Variants in FAM220A observed in about 807,000 individuals in gnomAD.
FAM220A encodes protein FAM220A.
For synonymous variants in FAM220A, 141 were observed against 130.7 expected (o/e 1.08, Z -0.54); for missense variants, 392 against 321.6 (o/e 1.22, Z -1.68).
At chr7:6,334,469 C>G (rs901503740) in intron 1 of FAM220A, among the ~76,000 whole-genome samples, 4 of 151,858 alleles carry the variant, frequency 2.6e-5, no homozygotes, top group Admixed American at 6.6e-5. Context: ...CCCAGAGGCT[C>G]TGTCTCAAAA....
rs1224679547 is a variant in FAM220A at position 6,348,907 on chromosome 7, C to G, written c.-416G>C. 6 of 385,396 alleles carry G rather than the reference C, an allele frequency of 1.6e-5. No individual in the cohort carries two copies. Among genetic ancestry groups the G allele is most frequent in the Non-Finnish European group, 2.7e-5 (6 of 218,870 alleles). 23.9% of individuals were successfully genotyped at this position (385,396 alleles called of 1,614,324 possible). A position where few individuals can be genotyped will look rare whatever the true frequency, so the allele number is the denominator to read the frequency against. On this transcript the variant is annotated 5_prime_UTR_variant, in exon 1 of 2. Coordinates refer to ENST00000313324, the MANE Select transcript of FAM220A (RefSeq NM_001037163.2). ...GGGCCGCAGTGGAGCGGAGTCCGCACGTCACGCTCGGAGAAGTGCCTCCGC... is the reference window on the plus strand; with the variant it reads ...GGGCCGCAGTGGAGCGGAGTCCGCAGGTCACGCTCGGAGAAGTGCCTCCGC...
chr7:6,330,793 C>T lies in FAM220A; in HGVS notation c.362G>A (p.Gly121Asp), dbSNP rs750777892. The part of the protein sequence containing the change: ...TECFARVSCS[G>D]VEALGRRDWL... ...GTCTCGCCGCCCCAGAGCTTCAACACCACTGCAGGACACCCGAGCAAAACA... is the reference window on the plus strand; with the variant it reads ...GTCTCGCCGCCCCAGAGCTTCAACATCACTGCAGGACACCCGAGCAAAACA... The change falls in exon 2 of 2, where the codon GGT becomes GAT. Residue 121 changes from glycine (G) to aspartate (D), a missense_variant. Physicochemically the swap from Gly to Asp is moderately conservative, Grantham distance 94. Transcript: ENST00000313324. 4 of 1,614,176 alleles carry T rather than the reference C, an allele frequency of 2.5e-6. No homozygotes were observed. In the Admixed American group the frequency reaches 6.7e-5, roughly 27 times the overall value.
In FAM220A at chr7:6,348,704, G is replaced by A. The variant is rs1782002259; in HGVS notation, c.-213C>T. On this transcript the variant is annotated 5_prime_UTR_variant, in exon 1 of 2. Coordinates refer to ENST00000313324, the MANE Select transcript of FAM220A (RefSeq NM_001037163.2). ...CCCTTGCAGAAGACCCCATAGGAGCGGGCGGCGGCCGAGCGCGAGAGCCGG... is the reference window on the plus strand; with the variant it reads ...CCCTTGCAGAAGACCCCATAGGAGCAGGCGGCGGCCGAGCGCGAGAGCCGG... 1 of 431,830 alleles carries A rather than the reference G, an allele frequency of 2.3e-6. No individual in the cohort carries two copies. The highest frequency in any genetic ancestry group is 4.1e-6 in the Non-Finnish European group (1 of 244,480). 26.7% of individuals were successfully genotyped at this position (431,830 alleles called of 1,614,324 possible).
At chr7:6,337,224 A>C (rs185246128) in intron 1 of FAM220A, among the ~76,000 whole-genome samples, 6 of 152,084 alleles carry the variant, frequency 3.9e-5, no homozygotes, top group Non-Finnish European at 7.4e-5. Context: ...GGTGTATGCC[A>C]CCATGGCCCT....
At position 6,334,038 on chromosome 7, in the gene FAM220A, G is replaced by A. The variant is rs1415440510; in HGVS notation, c.-81-2803C>T. 1.3e-5 allele frequency among the ~76,000 whole-genome samples: 2 copies of A among 150,906 alleles called. 1 individual carries two copies. Among genetic ancestry groups the A allele is most frequent in the South Asian group, 4.2e-4 (2 of 4,758 alleles). On this transcript the variant is annotated intron_variant, in intron 1 of 1. Coordinates refer to ENST00000313324, the MANE Select transcript of FAM220A (RefSeq NM_001037163.2). ...ATTTTTCGTATTTTTAGTAGAGATG[G>A]GGTTTCACCATGTTAGCCAGGATGG...
At chr7:6,333,998 C>T (rs916956710) in intron 1 of FAM220A, among the ~76,000 whole-genome samples, 37 of 151,664 alleles carry the variant, frequency 2.4e-4, no homozygotes, top group Admixed American at 6.6e-4. Flanking sequence ...AGGCACCCGC[C>T]ACCACGCCCG....
At chr7:6,339,056 C>T (rs1047042752) in intron 1 of FAM220A, among the ~76,000 whole-genome samples, 4 of 152,176 alleles carry the variant, frequency 2.6e-5, no homozygotes, top group Admixed American at 1.3e-4. Context: ...GATTTCCACA[C>T]AGCCTAGAGG....
intron 1 of FAM220A, among the ~76,000 whole-genome samples, chr7:6,344,290 C>G (rs1272843639): frequency 6.6e-6 from 1 of 152,070 alleles, no homozygotes; most frequent in African/African-American, 2.4e-5. Context: ...AACAAAAACT[C>G]TAAAACCTGC....
intron 1 of FAM220A, chr7:6,341,935 C>CT (rs2115145013): frequency 1.3e-5 from 2 of 151,524 alleles, no homozygotes; most frequent in African/African-American, 4.8e-5. Context: ...GAAGTGGAGG[C>CT]TGCAGTGAGC....
rs1184879075 is a variant in FAM220A at position 6,330,593 on chromosome 7, G to C, written c.562C>G (p.Leu188Val). 6 of 1,614,062 alleles carry C rather than the reference G, an allele frequency of 3.7e-6. No homozygotes were observed. In the African/African-American group the frequency reaches 8.0e-5, roughly 22 times the overall value. Residue 188 changes from leucine (L) to valine (V), a missense_variant, in exon 2 of 2, where the codon CTG (leucine) becomes GTG (valine). Leu to Val is a conservative substitution (Grantham distance 32). Transcript: ENST00000313324. ...GLGSELEPAC[L>V]HSILSATLHV... The stretch of plus-strand genomic sequence containing the variant: ...AGCGTTGCAGACAGGATGGAGTGCA[G>C]GCAAGCGGGTTCCAACTCAGAGCCC...
At chr7:6,332,696 T>A (rs1164245042) in intron 1 of FAM220A, among the ~76,000 whole-genome samples, 1 of 151,746 alleles carries the variant, frequency 6.6e-6, no homozygotes, top group African/African-American at 2.4e-5. Context: ...TCAGACCCTG[T>A]CTCAAAAAAT....
chr7:6,331,788 T>A (rs1225175458), intron 1 of FAM220A, among the ~76,000 whole-genome samples: 1 of 147,580 alleles, frequency 6.8e-6, no homozygotes, highest in Non-Finnish European at 1.5e-5. Flanking sequence ...TTGCCTAGGC[T>A]GGAGTGCAAT....
At chr7:6,336,245 C>G (rs79712279) in intron 1 of FAM220A, among the ~76,000 whole-genome samples, 3 of 151,280 alleles carry the variant, frequency 2.0e-5, no homozygotes, top group East Asian at 1.9e-4. Flanking sequence ...ACTTGAGAGG[C>G]TGAGGTAGGA....
intron 1 of FAM220A, among the ~76,000 whole-genome samples, chr7:6,346,662 G>A (rs1271819105): frequency 6.6e-6 from 1 of 152,158 alleles, no homozygotes; most frequent in African/African-American, 2.4e-5. Context: ...ATTACTTACA[G>A]GAGTGAGCTA....
chr7:6,343,027 A>C (rs1781891399), intron 1 of FAM220A, among the ~76,000 whole-genome samples: 1 of 140,284 alleles, frequency 7.1e-6, no homozygotes. Flanking sequence ...ACAGAGGAAG[A>C]CGCTTTCTCA....
At position 6,348,898 on chromosome 7, in the gene FAM220A, G is replaced by A. The variant is rs1272749362; in HGVS notation, c.-407C>T. The A allele has an allele frequency of 5.2e-6, 2 of 387,478 alleles. No individual in the cohort carries two copies. The highest frequency in any genetic ancestry group is 4.6e-6 in the Non-Finnish European group (1 of 219,426). The allele number at this position is 387,478 out of a possible 1,614,324, so 24.0% of individuals were successfully genotyped here. Reference sequence around the variant, plus strand: ...CGGGCGGGCGGGCCGCAGTGGAGCGGAGTCCGCACGTCACGCTCGGAGAAG... The same window carrying A: ...CGGGCGGGCGGGCCGCAGTGGAGCGAAGTCCGCACGTCACGCTCGGAGAAG... On this transcript the variant is annotated 5_prime_UTR_variant, in exon 1 of 2. Coordinates refer to ENST00000313324, the MANE Select transcript of FAM220A (RefSeq NM_001037163.2).
Position 6,348,704 on chromosome 7 carries a change from G to C in FAM220A, c.-213C>G, listed in dbSNP as rs1782002259. On this transcript the variant is annotated 5_prime_UTR_variant, in exon 1 of 2. Transcript: ENST00000313324. Reference sequence around the variant, plus strand: ...CCCTTGCAGAAGACCCCATAGGAGCGGGCGGCGGCCGAGCGCGAGAGCCGG... The same window carrying C: ...CCCTTGCAGAAGACCCCATAGGAGCCGGCGGCGGCCGAGCGCGAGAGCCGG... 2.3e-6 allele frequency: 1 copy of C among 431,830 alleles called. No homozygotes were observed. The highest frequency in any genetic ancestry group is 6.2e-5 in the South Asian group (1 of 16,114). The allele number at this position is 431,830 out of a possible 1,614,324, so 26.7% of individuals were successfully genotyped here. A position where few individuals can be genotyped will look rare whatever the true frequency, so the allele number is the denominator to read the frequency against.
chr7:6,333,916 A>T (rs1312576214), intron 1 of FAM220A, among the ~76,000 whole-genome samples: 2 of 134,948 alleles, frequency 1.5e-5, no homozygotes, highest in Non-Finnish European at 3.1e-5. Flanking sequence ...GCGCCATCTC[A>T]GCTCACTAAA....
intron 1 of FAM220A, among the ~76,000 whole-genome samples, chr7:6,337,794 ATTATTTAT>A (rs142856746): frequency 7.3e-5 from 11 of 150,456 alleles, no homozygotes; most frequent in Non-Finnish European, 1.3e-4. Flanking sequence ...ATTTCAATAC[ATTATTTAT>A]TTATTTATTT....
Sources: gnomAD v4.1 joint callset for allele counts (sites outside exome capture counted in the v4.1 genomes callset) on GRCh38, gnomAD v4.1.1 for gene constraint, MANE v1.5 for transcripts, NCBI Gene and HGNC (gene_info 2026-07-23, HGNC 2026-07-21) for gene names.